Variants in ADAMTS17 observed in about 807,000 individuals in gnomAD.
The protein encoded by ADAMTS17 is A disintegrin and metalloproteinase with thrombospondin motifs 17.
In ADAMTS17, 113 loss-of-function variants were observed where a neutral mutation model predicts 141.5. The observed-to-expected ratio is 0.80, with a 90% CI of 0.69 to 0.93. The LOEUF (loss-of-function observed/expected upper bound fraction) is 0.93, where lower values mean the gene tolerates loss of function less well. Among genes scored for constraint, ADAMTS17 ranks in the 40% least tolerant of loss-of-function variants. The pLI is 0.00. For synonymous variants in ADAMTS17, 768 were observed against 630.6 expected, an observed-to-expected ratio of 1.22 and a Z score of -3.27; for missense variants, 1,659 against 1,517.9, an observed-to-expected ratio of 1.09 and a Z score of -1.54.
rs2060334098 is a variant in ADAMTS17, at chr15:99,976,495, A to G, written c.2950-273T>C. The G allele has an allele frequency of 5.1e-6, 3 of 589,796 alleles. No homozygotes were observed. In the South Asian group the frequency reaches 5.9e-5, roughly 12 times the overall value. The allele number at this position is 589,796 out of a possible 1,614,324, so 36.5% of individuals were successfully genotyped here. A position where few individuals can be genotyped will look rare whatever the true frequency, so the allele number is the denominator to read the frequency against. On this transcript the variant is annotated intron_variant, in intron 20 of 21. Transcript: ENST00000268070. ...CATGCCCAGGCACTTGCAATCATTC[A>G]GGGCAAAAACAGCAGCTGCCTGATA... is the stretch of plus-strand genomic sequence containing the variant.
At chr15:100,065,177 C>A (rs1305492809) in intron 15 of ADAMTS17, among the ~76,000 whole-genome samples, 2 of 152,092 alleles carry the variant, frequency 1.3e-5, no homozygotes, top group Non-Finnish European at 2.9e-5. Flanking sequence ...GAGAAAATTA[C>A]CCCAAGAAAG....
rs934598 is a variant in ADAMTS17, at chr15:100,019,454, T to C, written c.2592-21865A>G. 7.3e-3 allele frequency among the ~76,000 whole-genome samples: 1,118 copies of C among 152,318 alleles called. 16 individuals are homozygous for C. The highest frequency in any genetic ancestry group is 0.026 in the African/African-American group (1,065 of 41,564). ...ATTAGTTAATCTCGGTACTTTTCTG[T>C]ACCATGAAAATTTTTATAAGAAAAA... On this transcript the variant is annotated intron_variant, in intron 18 of 21. Coordinates refer to ENST00000268070, the MANE Select transcript of ADAMTS17 (RefSeq NM_139057.4).
chr15:100,100,382 A>T (rs930500881), intron 14 of ADAMTS17, among the ~76,000 whole-genome samples: 2 of 152,108 alleles, frequency 1.3e-5, no homozygotes, highest in African/African-American at 4.8e-5. Context: ...TCATGCAAAG[A>T]GCTCTTAAGC....
intron 2 of ADAMTS17, chr15:100,338,902 T>G: frequency 1.0e-6 from 1 of 976,796 alleles, no homozygotes; most frequent in Non-Finnish European, 1.2e-6. Context: ...AAATTCCTGT[T>G]GCTTTCTTTT....
chr15:100,001,353 C>CT (rs35364890), intron 18 of ADAMTS17, among the ~76,000 whole-genome samples: 4,536 of 142,030 alleles, frequency 0.032, 89 homozygotes, highest in Admixed American at 0.044. Context: ...GTCTCTTTTC[C>CT]TTTTTTTTTT....
intron 2 of ADAMTS17, chr15:100,338,944 A>G: frequency 1.0e-6 from 1 of 985,378 alleles, no homozygotes; most frequent in Non-Finnish European, 1.2e-6. Flanking sequence ...TTGCAAACAA[A>G]GGGTCCACCT....
chr15:100,033,316 ACT>A (rs1245022002), intron 18 of ADAMTS17, among the ~76,000 whole-genome samples: 1 of 152,298 alleles, frequency 6.6e-6, no homozygotes, highest in South Asian at 2.1e-4. Flanking sequence ...TGGAAAAAAA[ACT>A]CTCATGCTTT....
intron 14 of ADAMTS17, among the ~76,000 whole-genome samples, chr15:100,106,869 G>A (rs367984169): frequency 1.3e-5 from 2 of 152,304 alleles, no homozygotes; most frequent in East Asian, 3.9e-4. Context: ...TGTTCATACT[G>A]CCCGACGGGC....
chr15:100,299,513 G>GAAA (rs879384077), intron 3 of ADAMTS17, among the ~76,000 whole-genome samples: 3 of 87,642 alleles, frequency 3.4e-5, no homozygotes, highest in East Asian at 1.1e-3. Context: ...TGATGGAAAA[G>GAAA]AAAAAAAAAA....
intron 8 of ADAMTS17, among the ~76,000 whole-genome samples, chr15:100,179,575 C>A (rs1295875630): frequency 6.6e-6 from 1 of 152,174 alleles, no homozygotes; most frequent in African/African-American, 2.4e-5. Context: ...AGAGAGATTG[C>A]TGGATCACAA....
chr15:100,329,735 A>C (rs2045993984), intron 3 of ADAMTS17, among the ~76,000 whole-genome samples: 1 of 152,196 alleles, frequency 6.6e-6, no homozygotes. Context: ...GATGCCCTCT[A>C]TCCAGCACAA....
intron 15 of ADAMTS17, among the ~76,000 whole-genome samples, chr15:100,071,347 A>C (rs1351155946): frequency 3.3e-5 from 5 of 149,868 alleles, no homozygotes; most frequent in South Asian, 2.1e-4. Flanking sequence ...TTCTGAAACT[A>C]TTCCAATCAA....
chr15:100,014,333 C>T (rs931557987), intron 18 of ADAMTS17, among the ~76,000 whole-genome samples: 5 of 151,918 alleles, frequency 3.3e-5, no homozygotes, highest in African/African-American at 1.2e-4. Flanking sequence ...TTCAAAGAAC[C>T]AGCTTTTTGT....
chr15:100,128,043 G>A (rs1037695173), intron 12 of ADAMTS17, among the ~76,000 whole-genome samples: 1 of 152,180 alleles, frequency 6.6e-6, no homozygotes, highest in African/African-American at 2.4e-5. Context: ...ACATGGAGGA[G>A]GCAGAAAGGA....
At chr15:100,311,637 C>CT (rs756123917) in intron 3 of ADAMTS17, among the ~76,000 whole-genome samples, 3 of 152,220 alleles carry the variant, frequency 2.0e-5, no homozygotes, top group Non-Finnish European at 4.4e-5. Flanking sequence ...TTTGGTGGAG[C>CT]TGCATGTGGG....
chr15:99,989,160 T>C (rs1309226664), intron 20 of ADAMTS17, among the ~76,000 whole-genome samples: 1 of 151,826 alleles, frequency 6.6e-6, no homozygotes, highest in East Asian at 1.9e-4. Flanking sequence ...TGTGGGCGAG[T>C]CACGGAACTG....
chr15:100,229,602 C>A (rs2042414224), intron 7 of ADAMTS17, among the ~76,000 whole-genome samples: 1 of 152,174 alleles, frequency 6.6e-6, no homozygotes, highest in Admixed American at 6.5e-5. Context: ...TGGCTGCAGT[C>A]CAAAGGATCC....
chr15:100,271,602 C>G (rs12906473), intron 4 of ADAMTS17, among the ~76,000 whole-genome samples: 17,477 of 150,206 alleles, frequency 0.12, 1,104 homozygotes, highest in Non-Finnish European at 0.14. Context: ...TTTTTCCTTC[C>G]TGGGTTTTAG....
At chr15:100,247,308 C>T (rs2043019135) in intron 7 of ADAMTS17, among the ~76,000 whole-genome samples, 1 of 152,168 alleles carries the variant, frequency 6.6e-6, no homozygotes, top group South Asian at 2.1e-4. Flanking sequence ...GCAAAGAAAC[C>T]CAAGAGCTGG....
Sources: gnomAD v4.1 joint callset for allele counts (sites outside exome capture counted in the v4.1 genomes callset) on GRCh38, gnomAD v4.1.1 for gene constraint, MANE v1.5 for transcripts, NCBI Gene and HGNC (gene_info 2026-07-23, HGNC 2026-07-21) for gene names.